GRIN3A: variants seen among roughly 807,000 people sequenced by gnomAD.
GRIN3A encodes glutamate ionotropic receptor NMDA type subunit 3A, also known as glutamate receptor ionotropic, NMDA 3A.
GRIN3A carries 47 observed loss-of-function variants against 92.4 expected under a neutral mutation model. The observed-to-expected ratio is 0.51, with a 90% CI of 0.40 to 0.65. GRIN3A has a LOEUF of 0.65. Ranked by LOEUF, GRIN3A falls within the 30% of genes least tolerant of loss-of-function variation. The pLI is 0.00. For missense variants in GRIN3A, 1,324 were observed against 1,393.1 expected (o/e 0.95, Z 0.79); for synonymous variants, 527 against 540.6 (o/e 0.97, Z 0.35).
intron 6 of GRIN3A, chr9:101,602,970 CTGTTT>C (rs1402033673): frequency 6.6e-6 from 1 of 152,172 alleles, no homozygotes; most frequent in Non-Finnish European, 1.5e-5. Context: ...CCGTAAAGAT[CTGTTT>C]TAAGTGCAGT....
chr9:101,622,995 AACACACAC>A (rs5899450), intron 5 of GRIN3A, among the ~76,000 whole-genome samples: 310 of 147,534 alleles, frequency 2.1e-3, no homozygotes, highest in African/African-American at 7.0e-3. Context: ...CCTGCCACTA[AACACACAC>A]ACACACACAC....
intron 3 of GRIN3A, among the ~76,000 whole-genome samples, chr9:101,648,674 T>C (rs1828971328): frequency 6.6e-6 from 1 of 152,114 alleles, no homozygotes; most frequent in South Asian, 2.1e-4. Flanking sequence ...AATTGTTATA[T>C]CCTTTTGCTG....
rs1328082528 is a variant in GRIN3A, at chr9:101,613,483, T to A, written c.2659A>T (p.Ile887Leu). ...TTGTATTGACTGATTAGCTCGGATA[T>A]GTTGGCGGTCAATGGAGAGTTGGGT... is the stretch of plus-strand genomic sequence containing the variant. The part of the protein sequence containing the change: ...LPPNSPLTAN[I>L]SELISQYKSH... The change falls in exon 6 of 9, where the codon ATA becomes TTA. Residue 887 changes from isoleucine to leucine, a missense_variant. Physicochemically the swap from Ile to Leu is conservative, Grantham distance 5. Coordinates refer to ENST00000361820, the MANE Select transcript of GRIN3A (RefSeq NM_133445.3). The A allele has an allele frequency of 6.2e-7, 1 of 1,614,204 alleles. No homozygotes were observed. The highest frequency in any genetic ancestry group is 1.7e-5 in the Admixed American group (1 of 60,038).
At chr9:101,736,104 A>G (rs1830202029) in intron 1 of GRIN3A, among the ~76,000 whole-genome samples, 1 of 152,236 alleles carries the variant, frequency 6.6e-6, no homozygotes. Flanking sequence ...CAGAAGTGGA[A>G]GAAGATTGGA....
At position 101,572,972 on chromosome 9, in the gene GRIN3A, C is replaced by A. The variant is rs1827779829; in HGVS notation, c.*202G>T. 3.4e-6 allele frequency: 2 copies of A among 585,680 alleles called. No individual in the cohort carries two copies. The highest frequency in any genetic ancestry group is 2.0e-5 in the South Asian group (1 of 49,496). 36.3% of individuals were successfully genotyped at this position (585,680 alleles called of 1,614,324 possible). On this transcript the variant is annotated 3_prime_UTR_variant, in exon 9 of 9. Transcript: ENST00000361820. ...CTGACTAAGATTCTTGCTAGAAAAA[C>A]ACTCCTACCCTGGAGACCTAGAGAG...
intron 3 of GRIN3A, among the ~76,000 whole-genome samples, chr9:101,661,939 C>A (rs1398881451): frequency 6.6e-6 from 1 of 151,838 alleles, no homozygotes; most frequent in Non-Finnish European, 1.5e-5. Context: ...TTTAGCATTT[C>A]TTTAATTACA....
chr9:101,716,662 C>T (rs1311441676), intron 1 of GRIN3A, among the ~76,000 whole-genome samples: 1 of 152,140 alleles, frequency 6.6e-6, no homozygotes, highest in Non-Finnish European at 1.5e-5. Context: ...TGATTACAGG[C>T]CTATCCTATG....
At chr9:101,615,539 G>T (rs2118852265) in intron 5 of GRIN3A, among the ~76,000 whole-genome samples, 1 of 151,244 alleles carries the variant, frequency 6.6e-6, no homozygotes, top group African/African-American at 2.5e-5. Context: ...TGTATTTTTA[G>T]TAGAGATGGG....
chr9:101,657,531 CT>C (rs1035150443), intron 3 of GRIN3A, among the ~76,000 whole-genome samples: 8 of 151,914 alleles, frequency 5.3e-5, no homozygotes, highest in Non-Finnish European at 8.8e-5. Flanking sequence ...ATTAGCAGTG[CT>C]GAAGGTAGAG....
Position 101,655,741 on chromosome 9 carries a change from A to G in GRIN3A, c.2352+14319T>C, listed in dbSNP as rs144896643. Among the ~76,000 whole-genome samples, 310 of 152,072 alleles carry G rather than the reference A, an allele frequency of 2.0e-3. 1 individual carries two copies. The highest frequency in any genetic ancestry group is 7.0e-3 in the African/African-American group (289 of 41,542). On this transcript the variant is annotated intron_variant, in intron 3 of 8. Coordinates refer to ENST00000361820, the MANE Select transcript of GRIN3A (RefSeq NM_133445.3). ...ATGTAGGGAATCAATTGAGGTGATG[A>G]AGTGAAAGTGTTTGGGAGGCAATGA... is the stretch of plus-strand genomic sequence containing the variant.
intron 2 of GRIN3A, among the ~76,000 whole-genome samples, chr9:101,678,942 C>T (rs1829434322): frequency 6.6e-6 from 1 of 152,136 alleles, no homozygotes; most frequent in South Asian, 2.1e-4. Flanking sequence ...TTGGTATGAA[C>T]CTTGACTCTT....
chr9:101,689,180 C>A (rs1290027679), intron 1 of GRIN3A, among the ~76,000 whole-genome samples: 4 of 152,182 alleles, frequency 2.6e-5, no homozygotes, highest in Non-Finnish European at 4.4e-5. Flanking sequence ...GGAAGGCAAG[C>A]TCCACATTTA....
intron 1 of GRIN3A, among the ~76,000 whole-genome samples, chr9:101,713,429 T>C (rs1258724436): frequency 6.6e-6 from 1 of 152,172 alleles, no homozygotes; most frequent in Non-Finnish European, 1.5e-5. Flanking sequence ...AGCTGATGCC[T>C]TCTAAGATTT....
chr9:101,622,061 T>G (rs1238577249), intron 5 of GRIN3A, among the ~76,000 whole-genome samples: 1 of 152,226 alleles, frequency 6.6e-6, no homozygotes, highest in African/African-American at 2.4e-5. Flanking sequence ...TCTTTCTGAG[T>G]TCCATCCCTG....
chr9:101,600,891 T>C (rs911720609), intron 6 of GRIN3A: 1 of 152,242 alleles, frequency 6.6e-6, no homozygotes, highest in Non-Finnish European at 1.5e-5. Flanking sequence ...TGTTTTAACA[T>C]GTAAAGCATT....
At chr9:101,726,508 T>G (rs74447620) in intron 1 of GRIN3A, among the ~76,000 whole-genome samples, 5,611 of 152,210 alleles carry the variant, frequency 0.037, 341 homozygotes, top group African/African-American at 0.13. Flanking sequence ...CAGCACAAAT[T>G]CCCTGCTTTT....
intron 3 of GRIN3A, among the ~76,000 whole-genome samples, chr9:101,660,696 A>C (rs1829161101): frequency 6.6e-6 from 1 of 151,776 alleles, no homozygotes; most frequent in South Asian, 2.1e-4. Context: ...CTAATATGTA[A>C]TGGAATCAGA....
In GRIN3A at chr9:101,670,855, G is replaced by C; in HGVS notation, c.1557C>G (p.Thr519=). ...TGAAGACAAAAGGATGCTCAATCAGGGTAACCACTCTCAAGTGTAGCTTAC... is the reference window on the plus strand; with the variant it reads ...TGAAGACAAAAGGATGCTCAATCAGCGTAACCACTCTCAAGTGTAGCTTAC... The part of the protein sequence containing the change: ...HPSKLHLRVV[T]LIEHPFVFTR... The change falls in exon 3 of 9, where the codon ACC becomes ACG. Residue 519 remains threonine (T), a synonymous_variant. Coordinates refer to ENST00000361820, the MANE Select transcript of GRIN3A (RefSeq NM_133445.3). 6.2e-7 allele frequency: 1 copy of C among 1,613,724 alleles called. No individual in the cohort carries two copies. The highest frequency in any genetic ancestry group is 8.5e-7 in the Non-Finnish European group (1 of 1,179,780).
rs10989561 is a variant in GRIN3A at position 101,611,337 on chromosome 9, C to A, written c.2766+2039G>T. 2.4e-4 allele frequency among the ~76,000 whole-genome samples: 37 copies of A among 152,116 alleles called. No homozygotes were observed. The East Asian group carries it at 7.2e-3, about 29-fold the overall frequency. On this transcript the variant is annotated intron_variant, in intron 6 of 8. Coordinates refer to ENST00000361820, the MANE Select transcript of GRIN3A (RefSeq NM_133445.3). ...GCCTTTGTTGTCACGTGGACTTTTT[C>A]CCTGTATGTCTCTCCACAGGGTCTC...
Sources: allele counts gnomAD v4.1 joint callset (sites outside exome capture counted in the v4.1 genomes callset), GRCh38; gene constraint gnomAD v4.1.1; transcripts MANE v1.5; gene names NCBI Gene and HGNC (gene_info 2026-07-23, HGNC 2026-07-21).